The following RABL2B variants were observed in gnomAD, a reference collection of about 807,000 sequenced individuals.
The protein encoded by RABL2B is RAB, member of RAS oncogene family like 2B.
RABL2B carries 17 observed loss-of-function variants against 26.7 expected under a neutral mutation model. That is an observed-to-expected ratio of 0.64 (90% CI 0.44 to 0.95). RABL2B has a LOEUF of 0.95. RABL2B is among the 40% of genes least tolerant of loss of function. RABL2B has a pLI of 0.00. For synonymous variants in RABL2B, 70 were observed against 103.9 expected, an observed-to-expected ratio of 0.67 and a Z score of 1.99; for missense variants, 170 against 277.2, an observed-to-expected ratio of 0.61 and a Z score of 2.75.
chr22:50,769,841 G>A lies in RABL2B; in HGVS notation c.409+64C>T, dbSNP rs6009967. Reference sequence around the variant, plus strand: ...AAGGTTGCCTGCCCGGGGAATGGAGGAGGAAATGTATGAGGGCAGGTCCCC... The same window carrying A: ...AAGGTTGCCTGCCCGGGGAATGGAGAAGGAAATGTATGAGGGCAGGTCCCC... On this transcript the variant is annotated intron_variant, in intron 6 of 8. Transcript: ENST00000691320. 366 of 1,492,258 alleles carry A rather than the reference G, an allele frequency of 2.5e-4. 3 individuals are homozygous for A. The African/African-American group carries it at 4.7e-3, about 19-fold the overall frequency. 92.4% of individuals were successfully genotyped at this position (1,492,258 alleles called of 1,614,324 possible).
chr22:50,780,205 G>A (rs1325544187), intron 2 of RABL2B, among the ~76,000 whole-genome samples: 1 of 150,816 alleles, frequency 6.6e-6, no homozygotes, highest in Non-Finnish European at 1.5e-5. Context: ...AGCCCTGAGT[G>A]GAATCAAGAA....
chr22:50,769,562 G>A lies in RABL2B; in HGVS notation c.410-10C>T. ...GTCACGTTTATGTCTGCTGTAGAGA[G>A]AAGGTAGGACATTGGTCTGTCTGTC... is the stretch of plus-strand genomic sequence containing the variant. On this transcript the variant is annotated splice_polypyrimidine_tract_variant and intron_variant, in intron 6 of 8. Coordinates refer to ENST00000691320, the MANE Select transcript of RABL2B (RefSeq NM_001130919.3). 2 of 1,610,450 alleles carry A rather than the reference G, an allele frequency of 1.2e-6. No individual in the cohort carries two copies. Among genetic ancestry groups the A allele is most frequent in the Non-Finnish European group, 1.7e-6 (2 of 1,179,644 alleles).
In RABL2B at chr22:50,767,985, T is replaced by A. The variant is rs3888556; in HGVS notation, c.*791A>T. The A allele has an allele frequency of 0.2, 62,853 of 312,188 alleles. 6,998 individuals are homozygous for A. Among genetic ancestry groups the A allele is most frequent in the Non-Finnish European group, 0.24 (39,080 of 160,320 alleles). 19.3% of individuals were successfully genotyped at this position (312,188 alleles called of 1,614,324 possible). On this transcript the variant is annotated 3_prime_UTR_variant, in exon 9 of 9. Transcript: ENST00000691320. Reference sequence around the variant, plus strand: ...AACAGATGATTGGGGCCGGGCGCGGTGGCTCATGCCTGTAATCCCAGCACT... The same window carrying A: ...AACAGATGATTGGGGCCGGGCGCGGAGGCTCATGCCTGTAATCCCAGCACT...
intron 5 of RABL2B, chr22:50,772,769 T>C: frequency 9.1e-7 from 1 of 1,093,174 alleles, no homozygotes; most frequent in Non-Finnish European, 1.1e-6. Flanking sequence ...ACTAAACTTC[T>C]GGAATCTGCC....
intron 5 of RABL2B, chr22:50,772,036 GCT>G (rs1427347090): frequency 2.0e-5 from 3 of 151,624 alleles, no homozygotes; most frequent in Non-Finnish European, 4.4e-5. Flanking sequence ...ATGGAGTCTT[GCT>G]CTGTTGCCCA....
intron 3 of RABL2B, 77 bp from the exon 4 acceptor site, chr22:50,776,826 T>C (rs2085064541): frequency 3.3e-6 from 5 of 1,531,288 alleles, no homozygotes; most frequent in Non-Finnish European, 2.7e-6. Flanking sequence ...TTTGGTTTGA[T>C]GAAATGGATC....
At chr22:50,772,970 T>C in intron 5 of RABL2B, 8 of 1,290,938 alleles carry the variant, frequency 6.2e-6, no homozygotes, top group Non-Finnish European at 8.2e-6. Context: ...TGCTTTCTAC[T>C]CGCCAGGGCC....
rs2083628633 is a variant in RABL2B, at chr22:50,767,962, C to G, written c.*814G>C. On this transcript the variant is annotated 3_prime_UTR_variant, in exon 9 of 9. Transcript: ENST00000691320. ...CTGCTCAAAAACGATTGTTTAAAAA[C>G]AGATGATTGGGGCCGGGCGCGGTGG... 1.6e-5 allele frequency: 5 copies of G among 320,684 alleles called. No homozygotes were observed. Among genetic ancestry groups the G allele is most frequent in the Admixed American group, 4.7e-5 (1 of 21,074 alleles). The allele number at this position is 320,684 out of a possible 1,614,324, so 19.9% of individuals were successfully genotyped here. A position where few individuals can be genotyped will look rare whatever the true frequency, so the allele number is the denominator to read the frequency against.
chr22:50,772,995 G>A lies in RABL2B; in HGVS notation c.297+2777C>T, dbSNP rs1486838601. 3.9e-6 allele frequency: 5 copies of A among 1,286,302 alleles called. No individual in the cohort carries two copies. The East Asian group carries it at 1.7e-4, about 43-fold the overall frequency. The allele number at this position is 1,286,302 out of a possible 1,614,324, so 79.7% of individuals were successfully genotyped here. A position where few individuals can be genotyped will look rare whatever the true frequency, so the allele number is the denominator to read the frequency against. On this transcript the variant is annotated intron_variant, in intron 5 of 8. Coordinates refer to ENST00000691320, the MANE Select transcript of RABL2B (RefSeq NM_001130919.3). ...TCGCCAGGGCCCGTGCAGCAGACTGGGGCTGGTGGCAGGCACCTGCAGACA... is the reference window on the plus strand; with the variant it reads ...TCGCCAGGGCCCGTGCAGCAGACTGAGGCTGGTGGCAGGCACCTGCAGACA...
Position 50,773,325 on chromosome 22 carries a change from C to T in RABL2B, c.297+2447G>A, listed in dbSNP as rs1175828426. Among the ~76,000 whole-genome samples the T allele has an allele frequency of 3.3e-5, 5 of 152,210 alleles. 1 individual carries two copies. Among genetic ancestry groups the T allele is most frequent in the African/African-American group, 1.2e-4 (5 of 41,450 alleles). On this transcript the variant is annotated intron_variant, in intron 5 of 8. Coordinates refer to ENST00000691320, the MANE Select transcript of RABL2B (RefSeq NM_001130919.3). The stretch of plus-strand genomic sequence containing the variant: ...TTCAAGGGATTTTGTTCTCAAGGGG[C>T]AGTCGGGGGAATTAGGTGATGAGTT...
At position 50,767,518 on chromosome 22, in the gene RABL2B, A is replaced by G; in HGVS notation, c.*1258T>C. 1 of 336,050 alleles carries G rather than the reference A, an allele frequency of 3.0e-6. No individual in the cohort carries two copies. The highest frequency in any genetic ancestry group is 2.2e-5 in the South Asian group (1 of 44,738). 20.8% of individuals were successfully genotyped at this position (336,050 alleles called of 1,614,324 possible). A position where few individuals can be genotyped will look rare whatever the true frequency, so the allele number is the denominator to read the frequency against. On this transcript the variant is annotated 3_prime_UTR_variant, in exon 9 of 9. Coordinates refer to ENST00000691320, the MANE Select transcript of RABL2B (RefSeq NM_001130919.3). ...CATTTACTCAATGTTTATGTAATTCAGCCTTTACTGTAAAAAAGGAAACAA... is the reference window on the plus strand; with the variant it reads ...CATTTACTCAATGTTTATGTAATTCGGCCTTTACTGTAAAAAAGGAAACAA...
At chr22:50,770,543 C>T (rs1402964638) in intron 5 of RABL2B, 1 of 156,970 alleles carries the variant, frequency 6.4e-6, no homozygotes, top group African/African-American at 2.4e-5. Flanking sequence ...TAACGTATTC[C>T]TTTTTTGTTA....
At chr22:50,774,125 A>C (rs1399711395) in intron 5 of RABL2B, among the ~76,000 whole-genome samples, 18 of 152,034 alleles carry the variant, frequency 1.2e-4, no homozygotes, top group Non-Finnish European at 2.5e-4. Context: ...TCGATCTCCT[A>C]ACCTCGTGAT....
chr22:50,782,696 A>C (rs1161279487), intron 1 of RABL2B: 1 of 251,080 alleles, frequency 4.0e-6, no homozygotes, highest in African/African-American at 2.3e-5. Flanking sequence ...ATGTAACCAC[A>C]GTCCAGACTC....
At chr22:50,778,161 C>A (rs1399701728) in intron 2 of RABL2B, among the ~76,000 whole-genome samples, 180 bp from the exon 3 acceptor site, 3 of 151,848 alleles carry the variant, frequency 2.0e-5, no homozygotes, top group African/African-American at 7.3e-5. Context: ...ACCAACCCGT[C>A]ATAACAAAAC....
intron 2 of RABL2B, among the ~76,000 whole-genome samples, chr22:50,780,033 A>T (rs1460643609): frequency 1.3e-5 from 2 of 152,080 alleles, no homozygotes; most frequent in African/African-American, 4.8e-5. Context: ...ACCTGGGGTC[A>T]AAAGAAATCT....
chr22:50,770,120 G>A lies in RABL2B; in HGVS notation c.298-104C>T, dbSNP rs1555917311. The A allele has an allele frequency of 3.2e-6, 5 of 1,580,656 alleles. 1 individual carries two copies. In the Admixed American group the frequency reaches 9.1e-5, roughly 29 times the overall value. On this transcript the variant is annotated intron_variant, in intron 5 of 8. Transcript: ENST00000691320. ...AAGCAGGTAAGCACGAGCACATGGT[G>A]CTGTTTGTGGGAACGCTCTGAATTG...
intron 7 of RABL2B, 55 bp from the exon 8 acceptor site, chr22:50,769,179 C>T: frequency 3.3e-6 from 2 of 598,590 alleles, no homozygotes; most frequent in Admixed American, 3.2e-5. Flanking sequence ...GCCCAGTCCA[C>T]CCCACTGGCC....
At chr22:50,777,793 G>A (rs1342062503) in intron 3 of RABL2B, 159 bp downstream of exon 3, 3 of 1,088,416 alleles carry the variant, frequency 2.8e-6, no homozygotes, top group Non-Finnish European at 4.2e-6. Context: ...TGCCATGTGG[G>A]TCAATCGGCA....
Sources: gnomAD v4.1 joint callset for allele counts (sites outside exome capture counted in the v4.1 genomes callset) on GRCh38, gnomAD v4.1.1 for gene constraint, MANE v1.5 for transcripts, NCBI Gene and HGNC (gene_info 2026-07-23, HGNC 2026-07-21) for gene names.